Variants in KCNC2 observed in about 807,000 individuals in gnomAD.
KCNC2 encodes the protein potassium voltage-gated channel subfamily C member 2.
A neutral mutation model predicts 44.5 loss-of-function variants in KCNC2; 21 were observed. The ratio of observed to expected loss-of-function variants is 0.47; its 90% CI spans 0.33 to 0.68. The LOEUF (loss-of-function observed/expected upper bound fraction) is 0.68, where lower values mean the gene tolerates loss of function less well. Among genes scored for constraint, KCNC2 ranks in the 30% least tolerant of loss-of-function variants. KCNC2 has a pLI of 0.01. For synonymous variants in KCNC2, 391 were observed against 339.1 expected (o/e 1.15, Z -1.68); for missense variants, 589 against 826.2 (o/e 0.71, Z 3.52).
chr12:75,184,127 C>T (rs1171765405), intron 2 of KCNC2, among the ~76,000 whole-genome samples: 1 of 152,188 alleles, frequency 6.6e-6, no homozygotes, highest in African/African-American at 2.4e-5. Context: ...CTCCTGTAGA[C>T]TGCCTATTAT....
chr12:75,166,655 G>A lies in KCNC2; in HGVS notation c.687+40642C>T, dbSNP rs187166868. Among the ~76,000 whole-genome samples the A allele has an allele frequency of 4.0e-5, 6 of 151,148 alleles. No individual in the cohort carries two copies. In the East Asian group the frequency reaches 1.2e-3, roughly 29 times the overall value. ...ATTAACATAGAAGTGTACAATAGAG[G>A]CAAATTGGAAGAGTTCACAAATAGT... On this transcript the variant is annotated intron_variant, in intron 2 of 4. Transcript: ENST00000549446.
At chr12:75,065,595 A>T (rs1882751507) in intron 2 of KCNC2, among the ~76,000 whole-genome samples, 1 of 152,034 alleles carries the variant, frequency 6.6e-6, no homozygotes, top group Admixed American at 6.6e-5. Context: ...AATACTTACC[A>T]TTGTGTTACA....
At chr12:75,137,356 C>T (rs559225186) in intron 2 of KCNC2, among the ~76,000 whole-genome samples, 4 of 152,262 alleles carry the variant, frequency 2.6e-5, no homozygotes, top group South Asian at 4.1e-4. Context: ...TTTACAACTG[C>T]ATCTGTGTTC....
intron 2 of KCNC2, among the ~76,000 whole-genome samples, chr12:75,084,782 C>G (rs1884855278): frequency 6.6e-6 from 1 of 151,866 alleles, no homozygotes; most frequent in South Asian, 2.1e-4. Flanking sequence ...ACACCTAGAA[C>G]ATTTATATAC....
chr12:75,052,766 G>A (rs1271564126), intron 2 of KCNC2, among the ~76,000 whole-genome samples: 1 of 152,024 alleles, frequency 6.6e-6, no homozygotes, highest in Non-Finnish European at 1.5e-5. Flanking sequence ...AAATGTAAAG[G>A]GTATACAAAA....
intron 2 of KCNC2, among the ~76,000 whole-genome samples, chr12:75,057,233 CT>C (rs1881844648): frequency 6.6e-6 from 1 of 151,906 alleles, no homozygotes; most frequent in Admixed American, 6.6e-5. Flanking sequence ...ATAAACTCAG[CT>C]GATGGTCTTA....
intron 2 of KCNC2, among the ~76,000 whole-genome samples, chr12:75,078,478 G>A (rs1324012288): frequency 2.0e-5 from 3 of 152,164 alleles, no homozygotes; most frequent in Non-Finnish European, 2.9e-5. Flanking sequence ...GAATAGAATA[G>A]CTCTTTCCTT....
chr12:75,185,085 G>A (rs1042839908), intron 2 of KCNC2, among the ~76,000 whole-genome samples: 1 of 152,174 alleles, frequency 6.6e-6, no homozygotes, highest in Non-Finnish European at 1.5e-5. Context: ...AATGATTTCA[G>A]ATATGTTGTA....
At chr12:75,053,642 C>A (rs1305154189) in intron 2 of KCNC2, among the ~76,000 whole-genome samples, 1 of 151,176 alleles carries the variant, frequency 6.6e-6, no homozygotes, top group East Asian at 1.9e-4. Flanking sequence ...TTCTGTATAT[C>A]TTTAGCTTTT....
chr12:75,137,216 C>T (rs1371285964), intron 2 of KCNC2, among the ~76,000 whole-genome samples: 3 of 152,060 alleles, frequency 2.0e-5, no homozygotes, highest in Non-Finnish European at 2.9e-5. Context: ...AGATGTTTTT[C>T]TCTTTTTGTC....
chr12:75,057,186 T>C (rs1438457870), intron 2 of KCNC2, among the ~76,000 whole-genome samples: 1 of 152,020 alleles, frequency 6.6e-6, no homozygotes, highest in African/African-American at 2.4e-5. Context: ...AACTTATAAA[T>C]TGGAAGTTTT....
At chr12:75,134,907 C>G (rs1889119229) in intron 2 of KCNC2, among the ~76,000 whole-genome samples, 1 of 151,928 alleles carries the variant, frequency 6.6e-6, no homozygotes, top group Non-Finnish European at 1.5e-5. Flanking sequence ...CATAGCTAGT[C>G]TGATTATCTC....
intron 2 of KCNC2, among the ~76,000 whole-genome samples, chr12:75,070,305 G>C (rs148876026): frequency 3.3e-5 from 5 of 151,262 alleles, no homozygotes; most frequent in Non-Finnish European, 5.9e-5. Context: ...CAAAAAATTA[G>C]CCAGTCATGG....
chr12:75,087,055 C>A (rs1476504942), intron 2 of KCNC2, among the ~76,000 whole-genome samples: 1 of 152,026 alleles, frequency 6.6e-6, no homozygotes, highest in South Asian at 2.1e-4. Flanking sequence ...TAGTCCTTGT[C>A]TTTATGGAAC....
chr12:75,141,903 ATG>A (rs1245909206), intron 2 of KCNC2, among the ~76,000 whole-genome samples: 5 of 152,158 alleles, frequency 3.3e-5, no homozygotes, highest in Non-Finnish European at 5.9e-5. Context: ...TAAGCAAATT[ATG>A]TGTTATTTCT....
At chr12:75,173,919 C>G (rs753999071) in intron 2 of KCNC2, among the ~76,000 whole-genome samples, 39 of 151,824 alleles carry the variant, frequency 2.6e-4, no homozygotes, top group Non-Finnish European at 4.3e-4. Context: ...TTCATTTGTA[C>G]TTTCTTTTCA....
At chr12:75,206,463 A>G (rs2031695217) in intron 2 of KCNC2, among the ~76,000 whole-genome samples, 1 of 152,206 alleles carries the variant, frequency 6.6e-6, no homozygotes, top group Non-Finnish European at 1.5e-5. Context: ...CTGTCATTTA[A>G]ACTAGAACCC....
In KCNC2 at chr12:75,071,755, G is replaced by T. The variant is rs148172537; in HGVS notation, c.688-20438C>A. 1.9e-3 allele frequency among the ~76,000 whole-genome samples: 287 copies of T among 151,968 alleles called. 2 individuals are homozygous for T. In the East Asian group the frequency reaches 0.037, roughly 20 times the overall value. On this transcript the variant is annotated intron_variant, in intron 2 of 4. Transcript: ENST00000549446. ...TCACGAGGTCAGGAGTTTGAGACCA[G>T]CCTGACCAACGTCTCTAGTAAAAAC...
At chr12:75,077,066 G>A (rs1024549777) in intron 2 of KCNC2, among the ~76,000 whole-genome samples, 1 of 152,140 alleles carries the variant, frequency 6.6e-6, no homozygotes, top group African/African-American at 2.4e-5. Flanking sequence ...GGTTACTACA[G>A]TAAAGCAGAT....
Sources: gnomAD v4.1 joint callset for allele counts (sites outside exome capture counted in the v4.1 genomes callset) on GRCh38, gnomAD v4.1.1 for gene constraint, MANE v1.5 for transcripts, NCBI Gene and HGNC (gene_info 2026-07-23, HGNC 2026-07-21) for gene names.